Variants in RAD54B observed in about 807,000 individuals in gnomAD.
The protein encoded by RAD54B is RAD54 homolog B, also known as DNA repair and recombination protein RAD54B.
In RAD54B, 78 loss-of-function variants were observed where a neutral mutation model predicts 95.8. The observed-to-expected ratio is 0.81, with a 90% CI of 0.68 to 0.98. The LOEUF is 0.98. Ranked by LOEUF, RAD54B falls within the 50% of genes least tolerant of loss-of-function variation. RAD54B has a pLI of 0.00. For missense variants in RAD54B, 957 were observed against 1,056.6 expected (o/e 0.91, Z 1.31); for synonymous variants, 328 against 354.9 (o/e 0.92, Z 0.85).
At chr8:94,473,695 T>C (rs1813224102) in intron 1 of RAD54B, among the ~76,000 whole-genome samples, 1 of 152,142 alleles carries the variant, frequency 6.6e-6, no homozygotes, top group Non-Finnish European at 1.5e-5. Context: ...AAGAGAGGTA[T>C]GTGCAACCAT....
At chr8:94,420,589 G>GGGAAAAAACATAGCAT (rs1811781130) in intron 3 of RAD54B, among the ~76,000 whole-genome samples, 1 of 151,578 alleles carries the variant, frequency 6.6e-6, no homozygotes, top group Non-Finnish European at 1.5e-5. Flanking sequence ...GTAAATCATG[G>GGGAAAAAACATAGCAT]GGAAAAAACA....
intron 1 of RAD54B, among the ~76,000 whole-genome samples, chr8:94,471,111 A>G (rs1418530398): frequency 6.6e-6 from 1 of 152,118 alleles, no homozygotes; most frequent in African/African-American, 2.4e-5. Flanking sequence ...GCACTACCCA[A>G]GCACTTTTCA....
rs2129929542 is a variant in RAD54B, at chr8:94,371,974, C to A, written c.*196G>T. 2.2e-6 allele frequency: 2 copies of A among 904,070 alleles called. No homozygotes were observed. The highest frequency in any genetic ancestry group is 1.7e-5 in the African/African-American group (1 of 57,872). The allele number at this position is 904,070 out of a possible 1,614,324, so 56.0% of individuals were successfully genotyped here. A position where few individuals can be genotyped will look rare whatever the true frequency, so the allele number is the denominator to read the frequency against. On this transcript the variant is annotated 3_prime_UTR_variant, in exon 15 of 15. Transcript: ENST00000336148. ...ATTAACAATTATACAATGATATAAG[C>A]ACATCTTTATTTTTCATTTAAACAC...
intron 14 of RAD54B, among the ~76,000 whole-genome samples, chr8:94,374,940 C>T (rs1364700425): frequency 1.3e-5 from 2 of 152,076 alleles, no homozygotes; most frequent in East Asian, 3.9e-4. Context: ...CAACTTCATT[C>T]GTAATAAGAG....
At chr8:94,452,562 T>C (rs1324265615) in intron 3 of RAD54B, among the ~76,000 whole-genome samples, 3 of 152,158 alleles carry the variant, frequency 2.0e-5, no homozygotes, top group Admixed American at 2.0e-4. Flanking sequence ...GCAATGGTGC[T>C]ATCTCAGCTC....
At chr8:94,399,964 T>C (rs1288947834) in intron 7 of RAD54B, among the ~76,000 whole-genome samples, 1 of 151,302 alleles carries the variant, frequency 6.6e-6, no homozygotes, top group Non-Finnish European at 1.5e-5. Context: ...ACGGAGGCAC[T>C]AATCTCATCA....
intron 10 of RAD54B, among the ~76,000 whole-genome samples, chr8:94,387,633 C>G (rs1298651626): frequency 1.3e-5 from 2 of 152,126 alleles, no homozygotes. Context: ...CAAGCACTAT[C>G]GTTTACTTAA....
intron 4 of RAD54B, among the ~76,000 whole-genome samples, chr8:94,407,959 A>G (rs999533524): frequency 2.0e-5 from 3 of 152,214 alleles, no homozygotes; most frequent in African/African-American, 7.2e-5. Flanking sequence ...TTGAAAATAT[A>G]GATTATTGTA....
At chr8:94,442,576 G>GAAAAAAAAAAAAAAAAA in intron 3 of RAD54B, among the ~76,000 whole-genome samples, 1 of 45,636 alleles carries the variant, frequency 2.2e-5, no homozygotes, top group Admixed American at 2.4e-4. Flanking sequence ...CTCTGTCTCA[G>GAAAAAAAAAAAAAAAAA]AAAAAAAAAA....
intron 2 of RAD54B, among the ~76,000 whole-genome samples, chr8:94,458,975 T>A (rs567310128): frequency 4.6e-5 from 7 of 152,340 alleles, no homozygotes; most frequent in African/African-American, 1.7e-4. Flanking sequence ...TGAAAAATTA[T>A]GCTTATAATT....
chr8:94,463,397 T>C (rs997382129), intron 2 of RAD54B, among the ~76,000 whole-genome samples: 2 of 151,890 alleles, frequency 1.3e-5, no homozygotes, highest in Non-Finnish European at 2.9e-5. Context: ...CTTTACCCAC[T>C]AGTATGGCCA....
chr8:94,432,986 C>T (rs1295573824), intron 3 of RAD54B, among the ~76,000 whole-genome samples: 1 of 152,054 alleles, frequency 6.6e-6, no homozygotes, highest in Non-Finnish European at 1.5e-5. Context: ...TTTCCCACAA[C>T]CCTAAGGTTT....
At chr8:94,374,223 G>A (rs1810512833) in intron 14 of RAD54B, among the ~76,000 whole-genome samples, 1 of 151,822 alleles carries the variant, frequency 6.6e-6, no homozygotes, top group Non-Finnish European at 1.5e-5. Context: ...AGCTGGCAGT[G>A]AGCCGAGATA....
At chr8:94,436,448 G>T in intron 3 of RAD54B, 1 of 1,483,062 alleles carries the variant, frequency 6.7e-7, no homozygotes, top group Non-Finnish European at 8.9e-7. Context: ...AAGCCCAATA[G>T]ATAGGAGGCG....
intron 3 of RAD54B, among the ~76,000 whole-genome samples, chr8:94,416,612 A>C (rs1270820546): frequency 1.3e-5 from 2 of 152,158 alleles, no homozygotes; most frequent in Non-Finnish European, 2.9e-5. Context: ...ATATACAAAC[A>C]ACCAATAAGC....
intron 3 of RAD54B, chr8:94,432,438 G>A (rs1179573398): frequency 7.7e-6 from 12 of 1,550,326 alleles, no homozygotes. Context: ...CATATCAACA[G>A]AGGAAAGTGA....
chr8:94,466,181 C>T (rs1813020491), intron 2 of RAD54B, among the ~76,000 whole-genome samples: 1 of 151,922 alleles, frequency 6.6e-6, no homozygotes. Context: ...TACGCTTAAC[C>T]ACAATAAAAA....
chr8:94,429,825 C>G lies in RAD54B; in HGVS notation c.305-18510G>C, dbSNP rs906472922. The G allele has an allele frequency of 5.1e-6, 5 of 985,216 alleles. No homozygotes were observed. In the Admixed American group the frequency reaches 1.8e-4, roughly 36 times the overall value. The allele number at this position is 985,216 out of a possible 1,614,324, so 61.0% of individuals were successfully genotyped here. A position where few individuals can be genotyped will look rare whatever the true frequency, so the allele number is the denominator to read the frequency against. ...AATCCAACCAATGAAATTAAGTAGT[C>G]AACATGCTAAAATAGTACCTTGAGT... On this transcript the variant is annotated intron_variant, in intron 3 of 14. Coordinates refer to ENST00000336148, the MANE Select transcript of RAD54B (RefSeq NM_012415.3).
At chr8:94,431,875 TAA>T (rs1318370901) in intron 3 of RAD54B, 1 of 1,151,308 alleles carries the variant, frequency 8.7e-7, no homozygotes, top group African/African-American at 1.6e-5. Context: ...GTGATCAGAA[TAA>T]AATATCTTTT....
Sources: allele counts gnomAD v4.1 joint callset (sites outside exome capture counted in the v4.1 genomes callset), GRCh38; gene constraint gnomAD v4.1.1; transcripts MANE v1.5; gene names NCBI Gene and HGNC (gene_info 2026-07-23, HGNC 2026-07-21).